CFAP54: variants seen among roughly 807,000 people sequenced by gnomAD.
CFAP54 encodes the protein cilia- and flagella-associated protein 54.
Under a neutral mutation model 370.4 loss-of-function variants are expected in CFAP54, and 290 were observed. The ratio of observed to expected loss-of-function variants is 0.78; its 90% CI spans 0.71 to 0.86. The LOEUF (loss-of-function observed/expected upper bound fraction) is 0.86, where lower values mean the gene tolerates loss of function less well. CFAP54 is among the 40% of genes least tolerant of loss of function. The pLI is 0.00. For synonymous variants in CFAP54, 1,206 were observed against 1,236.5 expected (o/e 0.98, Z 0.52); for missense variants, 3,399 against 3,528.7 (o/e 0.96, Z 0.93).
At chr12:96,827,174 A>G (rs9706542) in intron 65 of CFAP54, among the ~76,000 whole-genome samples, 1,202 of 10,836 alleles carry the variant, frequency 0.11, 133 homozygotes, top group African/African-American at 0.26. Flanking sequence ...ATTATATATA[A>G]TGTGCAGTTA....
At chr12:96,644,655 G>C (rs1196789334) in intron 33 of CFAP54, among the ~76,000 whole-genome samples, 1 of 152,134 alleles carries the variant, frequency 6.6e-6, no homozygotes, top group African/African-American at 2.4e-5. Context: ...CGTAATCATG[G>C]TAGAAGGGGA....
chr12:96,530,178 A>G (rs1955426609), intron 9 of CFAP54, among the ~76,000 whole-genome samples: 2 of 152,286 alleles, frequency 1.3e-5, no homozygotes, highest in East Asian at 1.9e-4. Flanking sequence ...CTTGAGATGT[A>G]TCCAGGTTGT....
chr12:96,512,604 G>A (rs1213510851), intron 4 of CFAP54, among the ~76,000 whole-genome samples: 1 of 151,966 alleles, frequency 6.6e-6, no homozygotes, highest in Non-Finnish European at 1.5e-5. Flanking sequence ...GGCTCCCAAA[G>A]TGCTGGGATT....
Position 96,688,929 on chromosome 12 carries a change from T to C in CFAP54, c.6028T>C (p.Leu2010=). The C allele has an allele frequency of 6.3e-7, 1 of 1,579,044 alleles. No homozygotes were observed. The highest frequency in any genetic ancestry group is 8.6e-7 in the Non-Finnish European group (1 of 1,165,252). ...SAKIAQFIKS[L]NVEKKTDCCI... is the part of the protein sequence containing the mutation. ...ATACTTACTTAGATTTATTAAGTCA[T>C]TGAATGTTGAAAAGAAAACTGACTG... Residue 2010 remains leucine, a synonymous_variant, in exon 43 of 68, where the codon TTG becomes CTG. Coordinates refer to ENST00000524981, the MANE Select transcript of CFAP54 (RefSeq NM_001306084.2).
intron 55 of CFAP54, among the ~76,000 whole-genome samples, chr12:96,752,420 A>G (rs901135631): frequency 3.9e-5 from 6 of 152,210 alleles, no homozygotes; most frequent in Non-Finnish European, 8.8e-5. Flanking sequence ...CAAAGCCTCA[A>G]TGATATGGTA....
chr12:96,711,193 A>G (rs1040501438), intron 48 of CFAP54, among the ~76,000 whole-genome samples: 7 of 152,160 alleles, frequency 4.6e-5, no homozygotes, highest in African/African-American at 1.7e-4. Flanking sequence ...ATTGGCATAC[A>G]ATTTTTTCAT....
chr12:96,720,568 G>A lies in CFAP54; in HGVS notation c.6965+3G>A. The A allele has an allele frequency of 1.3e-6, 2 of 1,525,206 alleles. No individual in the cohort carries two copies. The highest frequency in any genetic ancestry group is 1.8e-6 in the Non-Finnish European group (2 of 1,132,150). The allele number at this position is 1,525,206 out of a possible 1,614,324, so 94.5% of individuals were successfully genotyped here. A position where few individuals can be genotyped will look rare whatever the true frequency, so the allele number is the denominator to read the frequency against. ...CAGAGGCACCGGGCGGCATACAGGT[G>A]CGTCTCTCCATGCACAGGGGAGGGA... On this transcript the variant is annotated splice_donor_region_variant and intron_variant, in intron 50 of 67. Transcript: ENST00000524981.
chr12:96,553,485 G>C (rs927436712), intron 15 of CFAP54, among the ~76,000 whole-genome samples: 1 of 87,580 alleles, frequency 1.1e-5, no homozygotes, highest in Non-Finnish European at 2.4e-5. Context: ...TATATATATA[G>C]TTATATATAT....
chr12:96,527,367 G>A lies in CFAP54; in HGVS notation c.1280G>A (p.Gly427Glu), dbSNP rs1955394517. 1.3e-6 allele frequency: 2 copies of A among 1,535,350 alleles called. No homozygotes were observed. The highest frequency in any genetic ancestry group is 1.7e-6 in the Non-Finnish European group (2 of 1,146,536). Reference sequence around the variant, plus strand: ...TCAAATAGGCGAATACTGCAAACTGGACCCATTGTTACAGATGAAGTGGAG... The same window carrying A: ...TCAAATAGGCGAATACTGCAAACTGAACCCATTGTTACAGATGAAGTGGAG... ...SDSNRRILQT[G>E]PIVTDEVEIH... is the part of the protein sequence containing the mutation. Residue 427 changes from glycine (G) to glutamate (E), a missense_variant, in exon 9 of 68, where the codon GGA becomes GAA. This residue lies in a region of CFAP54 where 559 missense variants were observed against 576.7 expected (regional missense o/e 0.97). Transcript: ENST00000524981.
At chr12:96,622,549 C>G (rs566771631) in intron 27 of CFAP54, among the ~76,000 whole-genome samples, 18 of 152,218 alleles carry the variant, frequency 1.2e-4, no homozygotes, top group African/African-American at 3.9e-4. Flanking sequence ...GGGGTTTCAC[C>G]ATGTTGGCCA....
At chr12:96,567,277 G>A (rs1484413931) in intron 19 of CFAP54, among the ~76,000 whole-genome samples, 1 of 152,224 alleles carries the variant, frequency 6.6e-6, no homozygotes, top group Non-Finnish European at 1.5e-5. Flanking sequence ...GGGTGGGGGA[G>A]AGGATAGTAG....
intron 22 of CFAP54, among the ~76,000 whole-genome samples, chr12:96,588,139 GTTTCT>G (rs1190583103): frequency 6.6e-6 from 1 of 151,800 alleles, no homozygotes; most frequent in Non-Finnish European, 1.5e-5. Flanking sequence ...TTACCCACTT[GTTTCT>G]TTTCATTTTT....
chr12:96,599,848 GGTT>G (rs1482489653), intron 26 of CFAP54, among the ~76,000 whole-genome samples: 1 of 151,154 alleles, frequency 6.6e-6, no homozygotes, highest in Non-Finnish European at 1.5e-5. Flanking sequence ...CACTTTTTGG[GGTT>G]GTTTGTTTTT....
chr12:96,594,266 A>C, intron 24 of CFAP54, 25 bp from the exon 25 acceptor site: 1 of 1,487,006 alleles, frequency 6.7e-7, no homozygotes, highest in Non-Finnish European at 9.0e-7. Context: ...GTTCAATCTG[A>C]GTAACAATGC....
intron 19 of CFAP54, among the ~76,000 whole-genome samples, 188 bp from the exon 20 acceptor site, chr12:96,576,397 C>T (rs7295370): frequency 0.27 from 41,026 of 150,224 alleles, 6,211 homozygotes; most frequent in African/African-American, 0.4. Context: ...TTAACCTTAT[C>T]TAGTAGGCAT....
chr12:96,644,220 G>T lies in CFAP54; in HGVS notation c.4359G>T (p.Leu1453=). The change falls in exon 33 of 68, where the codon CTG becomes CTT. Residue 1453 remains leucine, a synonymous_variant. Transcript: ENST00000524981. The part of the protein sequence containing the change: ...TSVRKAAQRY[L]MDYLNPLILS... ...TTAGGAAAGCAGCACAACGATACCT[G>T]ATGGATTACTTGAATCCTCTAATAT... 6.5e-7 allele frequency: 1 copy of T among 1,535,916 alleles called. No homozygotes were observed. Among genetic ancestry groups the T allele is most frequent in the Non-Finnish European group, 8.7e-7 (1 of 1,146,768 alleles).
intron 4 of CFAP54, among the ~76,000 whole-genome samples, chr12:96,510,957 T>C (rs1435280495): frequency 7.4e-6 from 1 of 134,362 alleles, no homozygotes; most frequent in Non-Finnish European, 1.6e-5. Flanking sequence ...AGCGAGACTC[T>C]TATCTCAAAA....
At chr12:96,650,410 G>C (rs1026022491) in intron 35 of CFAP54, among the ~76,000 whole-genome samples, 4 of 151,972 alleles carry the variant, frequency 2.6e-5, no homozygotes, top group African/African-American at 9.7e-5. Flanking sequence ...ATAATGCAAG[G>C]GGTTCCTCTA....
intron 5 of CFAP54, among the ~76,000 whole-genome samples, chr12:96,516,556 T>G (rs1162125523): frequency 1.3e-5 from 2 of 152,158 alleles, no homozygotes; most frequent in Admixed American, 1.3e-4. Context: ...GCTTAGGGAA[T>G]AGAGGGCGGT....
Sources: gnomAD v4.1 joint callset for allele counts (sites outside exome capture counted in the v4.1 genomes callset) on GRCh38, gnomAD v4.1.1 for gene constraint, gnomAD v4.1.1 regional missense constraint, MANE v1.5 for transcripts, NCBI Gene and HGNC (gene_info 2026-07-23, HGNC 2026-07-21) for gene names.